The following KCNMB2 variants were observed in gnomAD, a reference collection of about 807,000 sequenced individuals.
KCNMB2 encodes calcium-activated potassium channel subunit beta-2.
KCNMB2 carries 9 observed loss-of-function variants against 24.5 expected under a neutral mutation model. The observed-to-expected ratio is 0.37, with a 90% CI of 0.22 to 0.64. The LOEUF (loss-of-function observed/expected upper bound fraction) is 0.64. KCNMB2 is among the 30% of genes least tolerant of loss of function. The pLI, the probability that KCNMB2 is intolerant of heterozygous loss-of-function variation, is 0.63. For synonymous variants in KCNMB2, 109 were observed against 104.4 expected (o/e 1.04, Z -0.27); for missense variants, 226 against 284.3 (o/e 0.79, Z 1.47).
Position 178,691,107 on chromosome 3 carries a change from C to CTTTTTTTTTTTTT in KCNMB2, c.-67-116228_-67-116216dup, listed in dbSNP as rs71181241. ...TGTACAGCATAATTCCCCATTAAGT[C>CTTTTTTTTTTTTT]TTTTTTTTTTTTTTTTTTTTGATAG... On this transcript the variant is annotated intron_variant, in intron 1 of 4. Transcript: ENST00000452583. Among the ~76,000 whole-genome samples, 115 of 79,724 alleles carry CTTTTTTTTTTTTT rather than the reference C, an allele frequency of 1.4e-3. 15 individuals are homozygous for CTTTTTTTTTTTTT. The highest frequency in any genetic ancestry group is 0.018 in the Middle Eastern group (2 of 114). 52.3% of individuals were successfully genotyped at this position (79,724 alleles called of 152,430 possible). A position where few individuals can be genotyped will look rare whatever the true frequency, so the allele number is the denominator to read the frequency against.
chr3:178,715,318 G>A (rs960062441), intron 1 of KCNMB2, among the ~76,000 whole-genome samples: 1 of 151,342 alleles, frequency 6.6e-6, no homozygotes, highest in African/African-American at 2.4e-5. Context: ...AAAGAGCAGT[G>A]GTATAGTTTT....
At chr3:178,785,619 G>A (rs1385272541) in intron 1 of KCNMB2, among the ~76,000 whole-genome samples, 1 of 152,002 alleles carries the variant, frequency 6.6e-6, no homozygotes, top group Non-Finnish European at 1.5e-5. Flanking sequence ...AGAATGGAAG[G>A]TGAATAAAAA....
Position 178,786,398 on chromosome 3 carries a change from C to T in KCNMB2, c.-67-20945C>T, listed in dbSNP as rs186559903. 2.0e-5 allele frequency among the ~76,000 whole-genome samples: 3 copies of T among 152,210 alleles called. No homozygotes were observed. The East Asian group carries it at 5.8e-4, about 29-fold the overall frequency. On this transcript the variant is annotated intron_variant, in intron 1 of 4. Transcript: ENST00000452583. ...GGATGGAGTAGTAGTTTATCCATTG[C>T]ATTAGAGATAGGGCTCCATGGGGAA... is the stretch of plus-strand genomic sequence containing the variant.
At chr3:178,840,981 T>C (rs555438185) in intron 4 of KCNMB2, among the ~76,000 whole-genome samples, 1 of 152,362 alleles carries the variant, frequency 6.6e-6, no homozygotes, top group African/African-American at 2.4e-5. Flanking sequence ...TTCCAAATTT[T>C]TATGCTTTTA....
At chr3:178,746,513 C>T (rs937855355) in intron 1 of KCNMB2, among the ~76,000 whole-genome samples, 3 of 152,158 alleles carry the variant, frequency 2.0e-5, no homozygotes, top group Admixed American at 6.5e-5. Flanking sequence ...GATTAACTTT[C>T]GGCTCCTTGT....
chr3:178,828,981 CAT>C (rs930077345), intron 4 of KCNMB2, among the ~76,000 whole-genome samples: 6 of 148,514 alleles, frequency 4.0e-5, no homozygotes, highest in Admixed American at 6.7e-5. Flanking sequence ...GTGTTCTTCA[CAT>C]ATGTTATATT....
At chr3:178,590,356 T>C (rs188971041) in intron 1 of KCNMB2, among the ~76,000 whole-genome samples, 214 of 152,340 alleles carry the variant, frequency 1.4e-3, no homozygotes, top group Non-Finnish European at 2.1e-3. Flanking sequence ...GAACCTCATC[T>C]TAGTTGACAT....
chr3:178,820,699 T>G (rs189804084), intron 2 of KCNMB2: 4 of 152,718 alleles, frequency 2.6e-5, no homozygotes, highest in Non-Finnish European at 4.4e-5. Context: ...AAAATAAAAT[T>G]TTACTAGGTT....
chr3:178,738,859 G>C (rs1022403962), intron 1 of KCNMB2, among the ~76,000 whole-genome samples: 2 of 152,046 alleles, frequency 1.3e-5, no homozygotes, highest in African/African-American at 4.8e-5. Context: ...TCTGTTCTCC[G>C]TGCTCACCAA....
chr3:178,668,871 A>C (rs1322022472), intron 1 of KCNMB2, among the ~76,000 whole-genome samples: 1 of 152,176 alleles, frequency 6.6e-6, no homozygotes, highest in Non-Finnish European at 1.5e-5. Flanking sequence ...AATACTTAAG[A>C]CTTTATAAAA....
intron 1 of KCNMB2, among the ~76,000 whole-genome samples, chr3:178,719,906 A>G (rs1452208805): frequency 6.6e-6 from 1 of 152,174 alleles, no homozygotes; most frequent in Admixed American, 6.6e-5. Context: ...GCCCCCGGCA[A>G]CCACTGTCCT....
chr3:178,747,851 A>G (rs1723721322), intron 1 of KCNMB2, among the ~76,000 whole-genome samples: 1 of 152,214 alleles, frequency 6.6e-6, no homozygotes, highest in African/African-American at 2.4e-5. Flanking sequence ...AAAGTTAGCT[A>G]GTTCACCTTA....
chr3:178,656,556 C>T (rs9872412), intron 1 of KCNMB2, among the ~76,000 whole-genome samples: 149,217 of 152,162 alleles, frequency 0.98, 73,225 homozygotes, highest in East Asian at 1. Flanking sequence ...GCAGATCACC[C>T]GAGGTCAGGA....
intron 1 of KCNMB2, among the ~76,000 whole-genome samples, chr3:178,592,683 C>T (rs1031339619): frequency 4.6e-5 from 7 of 152,058 alleles, no homozygotes; most frequent in African/African-American, 1.4e-4. Flanking sequence ...TAGGTCTATA[C>T]GTTTTGGTAA....
chr3:178,653,414 T>C (rs780626189), intron 1 of KCNMB2, among the ~76,000 whole-genome samples: 16 of 152,124 alleles, frequency 1.1e-4, no homozygotes, highest in Non-Finnish European at 2.4e-4. Context: ...CTAATTCTTA[T>C]TCTTTATTTA....
At position 178,691,107 on chromosome 3, in the gene KCNMB2, C is replaced by CTTTTTTTTTTTTTTTTTTT. The variant is rs71181241; in HGVS notation, c.-67-116234_-67-116216dup. 1.5e-3 allele frequency among the ~76,000 whole-genome samples: 123 copies of CTTTTTTTTTTTTTTTTTTT among 79,730 alleles called. 27 individuals are homozygous for CTTTTTTTTTTTTTTTTTTT. Among genetic ancestry groups the CTTTTTTTTTTTTTTTTTTT allele is most frequent in the African/African-American group, 5.6e-3 (92 of 16,302 alleles). The allele number at this position is 79,730 out of a possible 152,430, so 52.3% of individuals were successfully genotyped here. A position where few individuals can be genotyped will look rare whatever the true frequency, so the allele number is the denominator to read the frequency against. The stretch of plus-strand genomic sequence containing the variant: ...TGTACAGCATAATTCCCCATTAAGT[C>CTTTTTTTTTTTTTTTTTTT]TTTTTTTTTTTTTTTTTTTTGATAG... On this transcript the variant is annotated intron_variant, in intron 1 of 4. Transcript: ENST00000452583.
intron 2 of KCNMB2, among the ~76,000 whole-genome samples, chr3:178,808,415 T>C (rs1029499009): frequency 6.6e-6 from 1 of 152,094 alleles, no homozygotes. Context: ...TGAAGGAAAT[T>C]TGTGAAAAAA....
In KCNMB2 at chr3:178,614,287, A is replaced by ATATATG. The variant is rs1553821405; in HGVS notation, c.-68+77581_-68+77582insGTATAT. ...TATATATATATATATATATATATAT[A>ATATATG]TATATATATGTATGTATATATATGT... On this transcript the variant is annotated intron_variant, in intron 1 of 4. Coordinates refer to ENST00000452583, the MANE Select transcript of KCNMB2 (RefSeq NM_181361.3). Among the ~76,000 whole-genome samples, 13 of 74,496 alleles carry ATATATG rather than the reference A, an allele frequency of 1.7e-4. 1 individual carries two copies. The highest frequency in any genetic ancestry group is 5.8e-4 in the African/African-American group (13 of 22,472). 48.9% of individuals were successfully genotyped at this position (74,496 alleles called of 152,430 possible). A position where few individuals can be genotyped will look rare whatever the true frequency, so the allele number is the denominator to read the frequency against.
chr3:178,550,670 G>A (rs375904907), intron 1 of KCNMB2, among the ~76,000 whole-genome samples: 1 of 151,898 alleles, frequency 6.6e-6, no homozygotes, highest in East Asian at 1.9e-4. Context: ...AAAGAACAAA[G>A]CTCTAAGAAG....
Sources: allele counts gnomAD v4.1 joint callset (sites outside exome capture counted in the v4.1 genomes callset), GRCh38; gene constraint gnomAD v4.1.1; transcripts MANE v1.5; gene names NCBI Gene and HGNC (gene_info 2026-07-23, HGNC 2026-07-21).